KIRREL3: variants seen among roughly 807,000 people sequenced by gnomAD.
KIRREL3 encodes the protein kin of IRRE-like protein 3.
Under a neutral mutation model 89.7 loss-of-function variants are expected in KIRREL3, and 36 were observed. The ratio of observed to expected loss-of-function variants is 0.40; its 90% CI spans 0.31 to 0.53. KIRREL3 has a LOEUF of 0.53. Among genes scored for constraint, KIRREL3 ranks in the 20% least tolerant of loss-of-function variants. KIRREL3 has a pLI of 0.49. For missense variants in KIRREL3, 864 were observed against 1,056.6 expected (o/e 0.82, Z 2.53); for synonymous variants, 445 against 441.4 (o/e 1.01, Z -0.10).
rs78482107 is a variant in KIRREL3 at position 126,483,069 on chromosome 11, A to T, written c.434-9603T>A. Among the ~76,000 whole-genome samples, 824 of 152,276 alleles carry T rather than the reference A, an allele frequency of 5.4e-3. 24 individuals are homozygous for T. The highest frequency in any genetic ancestry group is 0.024 in the East Asian group (124 of 5,184). ...AGAGCTAGCTGTAAAAAATTCTTTG[A>T]CCCATCTCCCCTGAAACTAGGTCAT... On this transcript the variant is annotated intron_variant, in intron 4 of 16. Transcript: ENST00000525144.
chr11:126,602,125 GGAGCGGT>G (rs1371736624), intron 1 of KIRREL3, among the ~76,000 whole-genome samples: 2 of 152,320 alleles, frequency 1.3e-5, no homozygotes, highest in East Asian at 3.9e-4. Context: ...TCTTTCCCCA[GGAGCGGT>G]GGCAAAGAGG....
In KIRREL3 at chr11:126,513,273, C is replaced by T. The variant is rs758364291; in HGVS notation, c.433+8042G>A. ...GATGCTGGGGGGTATGGGGGCTGGC[C>T]CTGGGCATGGTCATTTGGGAAGCTA... On this transcript the variant is annotated intron_variant, in intron 4 of 16. Coordinates refer to ENST00000525144, the MANE Select transcript of KIRREL3 (RefSeq NM_032531.4). The surrounding 1 kb of genome is among the most constrained non-coding windows in gnomAD (Gnocchi z 5.9). Among the ~76,000 whole-genome samples the T allele has an allele frequency of 6.6e-6, 1 of 152,072 alleles. No homozygotes were observed. The highest frequency in any genetic ancestry group is 1.5e-5 in the Non-Finnish European group (1 of 68,004).
chr11:126,751,549 C>T (rs117065832), intron 1 of KIRREL3, among the ~76,000 whole-genome samples: 15 of 152,078 alleles, frequency 9.9e-5, no homozygotes, highest in African/African-American at 2.4e-4. Flanking sequence ...AAGAGAGTTA[C>T]GATGATTTTG....
chr11:126,893,184 C>T lies in KIRREL3; in HGVS notation c.55+107271G>A, dbSNP rs538284774. ...ATCCGTCAAACAACTCAGTTAAAAA[C>T]ACCTTTTCAAAAGGCTCTTCTATAA... On this transcript the variant is annotated intron_variant, in intron 1 of 16. Coordinates refer to ENST00000525144, the MANE Select transcript of KIRREL3 (RefSeq NM_032531.4). Among the ~76,000 whole-genome samples, 76 of 152,312 alleles carry T rather than the reference C, an allele frequency of 5.0e-4. 1 individual carries two copies. Among genetic ancestry groups the T allele is most frequent in the Middle Eastern group, 3.4e-3 (1 of 294 alleles).
chr11:126,831,867 T>G (rs977522341), intron 1 of KIRREL3, among the ~76,000 whole-genome samples: 1 of 152,226 alleles, frequency 6.6e-6, no homozygotes, highest in African/African-American at 2.4e-5. Flanking sequence ...ATCATACTCT[T>G]GGCTGAGCAT....
upstream of KIRREL3, among the ~76,000 whole-genome samples, chr11:127,001,994 C>T (rs1950323783): frequency 6.6e-6 from 1 of 152,118 alleles, no homozygotes; most frequent in South Asian, 2.1e-4. Flanking sequence ...GTCTTCAGTC[C>T]CTGGACCTTG....
rs1455452972 is a variant in KIRREL3 at position 126,539,541 on chromosome 11, A to G, written c.134-12854T>C. Among the ~76,000 whole-genome samples the G allele has an allele frequency of 3.9e-5, 6 of 152,360 alleles. No homozygotes were observed. The South Asian group carries it at 8.3e-4, about 21-fold the overall frequency. On this transcript the variant is annotated intron_variant, in intron 2 of 16. Transcript: ENST00000525144. ...GAGGACTCAGGCTAACGCTGCATCA[A>G]TGGAAAGAAGAAATGGATTTAGGAG... is the stretch of plus-strand genomic sequence containing the variant.
chr11:126,442,365 C>T (rs958775285), intron 10 of KIRREL3, among the ~76,000 whole-genome samples: 25 of 148,354 alleles, frequency 1.7e-4, no homozygotes, highest in African/African-American at 5.5e-4. Flanking sequence ...AAACCTTTTC[C>T]TTGTGCTTCC....
At chr11:126,986,691 C>T (rs1250180257) in intron 1 of KIRREL3, among the ~76,000 whole-genome samples, 4 of 152,302 alleles carry the variant, frequency 2.6e-5, no homozygotes, top group Admixed American at 2.6e-4. Context: ...ATTGGCATAG[C>T]TGCTGTGTTC....
rs1211241792 is a variant in KIRREL3 at position 126,537,729 on chromosome 11, C to T, written c.134-11042G>A. 1.3e-5 allele frequency among the ~76,000 whole-genome samples: 2 copies of T among 152,224 alleles called. No homozygotes were observed. The highest frequency in any genetic ancestry group is 2.9e-5 in the Non-Finnish European group (2 of 68,040). ...TTCCCTATCTGAAAAATGGGGATGA[C>T]ACGCCTCCCTGGCAAAGCTGCTGTG... is the stretch of plus-strand genomic sequence containing the variant. On this transcript the variant is annotated intron_variant, in intron 2 of 16. Coordinates refer to ENST00000525144, the MANE Select transcript of KIRREL3 (RefSeq NM_032531.4). The surrounding 1 kb of genome is among the most constrained non-coding windows in gnomAD (Gnocchi z 4.3).
At chr11:126,473,027 T>TAACCCCCCAG (rs1956953184) in intron 5 of KIRREL3, among the ~76,000 whole-genome samples, 1 of 48,840 alleles carries the variant, frequency 2.0e-5, no homozygotes, top group Non-Finnish European at 3.5e-5. Flanking sequence ...CCCACTATCC[T>TAACCCCCCAG]CCCCTCTACC....
rs950124670 is a variant in KIRREL3, at chr11:126,837,321, C to G, written c.55+163134G>C. ...GTAAATGTTCAATACAAATTAATCT[C>G]CTTTCTTTTTCCTTGAGTACAAAGA... On this transcript the variant is annotated intron_variant, in intron 1 of 16. Transcript: ENST00000525144. The surrounding 1 kb of genome is among the most constrained non-coding windows in gnomAD (Gnocchi z 4.7). 5.3e-5 allele frequency among the ~76,000 whole-genome samples: 8 copies of G among 152,188 alleles called. No homozygotes were observed. The highest frequency in any genetic ancestry group is 1.9e-4 in the African/African-American group (8 of 41,440).
chr11:126,836,085 C>A (rs2134504967), intron 1 of KIRREL3, among the ~76,000 whole-genome samples: 1 of 152,330 alleles, frequency 6.6e-6, no homozygotes, highest in East Asian at 1.9e-4. Context: ...TCTCCAGATG[C>A]TTTCCTGTGT....
chr11:126,692,037 G>A (rs540392806), intron 1 of KIRREL3, among the ~76,000 whole-genome samples: 4 of 152,318 alleles, frequency 2.6e-5, no homozygotes, highest in African/African-American at 4.8e-5. Context: ...CGGTAAGAGC[G>A]TGGAGAAATT....
rs1948872076 is a variant in KIRREL3 at position 126,954,657 on chromosome 11, C to T, written c.55+45798G>A. Among the ~76,000 whole-genome samples the T allele has an allele frequency of 1.3e-5, 2 of 152,112 alleles. No individual in the cohort carries two copies. Among genetic ancestry groups the T allele is most frequent in the African/African-American group, 2.4e-5 (1 of 41,430 alleles). ...TTGATTCACAACACTATATTTCAAC[C>T]TAGGAAGCACCCTTAGAGGTCATCT... On this transcript the variant is annotated intron_variant, in intron 1 of 16. Coordinates refer to ENST00000525144, the MANE Select transcript of KIRREL3 (RefSeq NM_032531.4). This position sits in a 1 kb window ranked among gnomAD's most constrained non-coding sequence, Gnocchi z 4.1.
chr11:126,952,890 G>A (rs1387148808), intron 1 of KIRREL3, among the ~76,000 whole-genome samples: 1 of 152,176 alleles, frequency 6.6e-6, no homozygotes, highest in Non-Finnish European at 1.5e-5. Flanking sequence ...TGGTGGGAGT[G>A]TAAATTAGTT....
At chr11:126,450,651 G>T (rs1207809386) in intron 7 of KIRREL3, among the ~76,000 whole-genome samples, 1 of 151,502 alleles carries the variant, frequency 6.6e-6, no homozygotes, top group Admixed American at 6.6e-5. Flanking sequence ...GTGCACGTGT[G>T]TGTGCATGAG....
At position 126,746,736 on chromosome 11, in the gene KIRREL3, G is replaced by A. The variant is rs978322306; in HGVS notation, c.56-183824C>T. Among the ~76,000 whole-genome samples, 5 of 152,160 alleles carry A rather than the reference G, an allele frequency of 3.3e-5. 1 individual carries two copies. The highest frequency in any genetic ancestry group is 1.2e-4 in the African/African-American group (5 of 41,426). ...CTACATGACCACGAGGTCTGCTCAA[G>A]TTCAGGCCCTCGTTATCTCTAACCT... On this transcript the variant is annotated intron_variant, in intron 1 of 16. Coordinates refer to ENST00000525144, the MANE Select transcript of KIRREL3 (RefSeq NM_032531.4).
intron 1 of KIRREL3, among the ~76,000 whole-genome samples, chr11:126,662,839 C>A (rs1945469679): frequency 6.6e-6 from 1 of 151,444 alleles, no homozygotes; most frequent in Non-Finnish European, 1.5e-5. Context: ...TGGGTCACCC[C>A]AACTTCAAAT....
Sources: gnomAD v4.1 joint callset for allele counts (sites outside exome capture counted in the v4.1 genomes callset) on GRCh38, gnomAD v4.1.1 for gene constraint, Gnocchi (gnomAD v3.1) non-coding constraint, MANE v1.5 for transcripts, NCBI Gene and HGNC (gene_info 2026-07-23, HGNC 2026-07-21) for gene names.